CLYBL: variants seen among roughly 807,000 people sequenced by gnomAD.
The protein encoded by CLYBL is citramalyl-CoA lyase, mitochondrial.
A neutral mutation model predicts 38.9 loss-of-function variants in CLYBL; 31 were observed. That is an observed-to-expected ratio of 0.80 (90% CI 0.60 to 1.08). CLYBL has a LOEUF of 1.08. Ranked by LOEUF, CLYBL falls within the 50% of genes least tolerant of loss-of-function variation. The pLI is 0.00. For missense variants in CLYBL, 434 were observed against 411.6 expected (o/e 1.05, Z -0.47); for synonymous variants, 171 against 158.6 (o/e 1.08, Z -0.59).
chr13:99,726,750 T>C (rs2048480490), intron 1 of CLYBL: 1 of 152,038 alleles, frequency 6.6e-6, no homozygotes, highest in African/African-American at 2.4e-5. Context: ...CAGTAGTGTC[T>C]GTAGGGCCTC....
At position 99,683,662 on chromosome 13, in the gene CLYBL, T is replaced by G. The variant is rs191623341; in HGVS notation, c.62+76905T>G. ...TTAGGGGCAATAACACGCACAGAGC[T>G]GTTGTCTCCTGTGATAACAATGCCT... is the stretch of plus-strand genomic sequence containing the variant. On this transcript the variant is annotated intron_variant, in intron 1 of 8. Coordinates refer to ENST00000339105, the MANE Select transcript of CLYBL (RefSeq NM_206808.5). Among the ~76,000 whole-genome samples, 3 of 151,948 alleles carry G rather than the reference T, an allele frequency of 2.0e-5. No homozygotes were observed. The East Asian group carries it at 5.8e-4, about 29-fold the overall frequency.
chr13:99,609,600 A>C (rs1159616746), intron 1 of CLYBL, among the ~76,000 whole-genome samples: 1 of 151,124 alleles, frequency 6.6e-6, no homozygotes, highest in Admixed American at 6.6e-5. Flanking sequence ...GCAGTGGTGC[A>C]ATCTGGGCTC....
At chr13:99,744,038 T>C (rs1231114732) in intron 1 of CLYBL, among the ~76,000 whole-genome samples, 1 of 142,130 alleles carries the variant, frequency 7.0e-6, no homozygotes, top group African/African-American at 2.6e-5. Context: ...GGTGGCGCGA[T>C]ATCAGCTCAC....
At chr13:99,798,378 A>G (rs1427419589) in intron 2 of CLYBL, among the ~76,000 whole-genome samples, 5 of 152,204 alleles carry the variant, frequency 3.3e-5, no homozygotes, top group Non-Finnish European at 7.3e-5. Context: ...CTCACTCAGC[A>G]AAAAGTGCCT....
intron 2 of CLYBL, among the ~76,000 whole-genome samples, chr13:99,805,108 G>A (rs2138959160): frequency 1.3e-5 from 2 of 152,250 alleles, no homozygotes; most frequent in South Asian, 4.1e-4. Context: ...TCCTTTTTGA[G>A]GCTGGATAGT....
intron 1 of CLYBL, among the ~76,000 whole-genome samples, chr13:99,705,551 T>G (rs1454348348): frequency 1.3e-5 from 2 of 151,048 alleles, no homozygotes; most frequent in Non-Finnish European, 2.9e-5. Flanking sequence ...TTGTACTCCA[T>G]CCTGGAGAGC....
intron 2 of CLYBL, among the ~76,000 whole-genome samples, chr13:99,793,033 A>AAAAAACACACACACACAC (rs368975807): frequency 6.9e-6 from 1 of 145,954 alleles, no homozygotes; most frequent in Non-Finnish European, 1.5e-5. Context: ...GTGCATACAT[A>AAAAAACACACACACACAC]ACACACACAC....
chr13:99,624,587 C>A (rs1303827019), intron 1 of CLYBL, among the ~76,000 whole-genome samples: 1 of 152,208 alleles, frequency 6.6e-6, no homozygotes, highest in Non-Finnish European at 1.5e-5. Context: ...GGCGCATCTT[C>A]CGTACAACTG....
chr13:99,879,296 C>T (rs1277302878), intron 7 of CLYBL, among the ~76,000 whole-genome samples: 3 of 152,176 alleles, frequency 2.0e-5, no homozygotes, highest in Non-Finnish European at 4.4e-5. Context: ...TTGTAAAAAG[C>T]AGAATGTTAA....
rs190828251 is a variant in CLYBL, at chr13:99,866,419, G to A, written c.802+12G>A. ...CATGGGCTTCACTGGTATGATTCCT[G>A]TCTTAGAAAGCAGTGTCTAAATTAG... On this transcript the variant is annotated intron_variant, in intron 6 of 8. Coordinates refer to ENST00000339105, the MANE Select transcript of CLYBL (RefSeq NM_206808.5). 6.9e-6 allele frequency: 11 copies of A among 1,603,412 alleles called. No homozygotes were observed. The highest frequency in any genetic ancestry group is 3.6e-5 in the Admixed American group (2 of 56,158).
At chr13:99,654,900 G>A (rs1007668127) in intron 1 of CLYBL, among the ~76,000 whole-genome samples, 1 of 151,814 alleles carries the variant, frequency 6.6e-6, no homozygotes, top group Non-Finnish European at 1.5e-5. Context: ...AGCTACTAGG[G>A]AGGCTGAGGC....
At chr13:99,616,548 G>T (rs936129717) in intron 1 of CLYBL, among the ~76,000 whole-genome samples, 1 of 152,166 alleles carries the variant, frequency 6.6e-6, no homozygotes, top group Non-Finnish European at 1.5e-5. Flanking sequence ...GTCACACTGG[G>T]CCCGCCCATG....
intron 2 of CLYBL, among the ~76,000 whole-genome samples, chr13:99,815,447 A>G (rs147571706): frequency 0.016 from 2,434 of 152,288 alleles, 38 homozygotes; most frequent in Middle Eastern, 0.048. Flanking sequence ...ATAGCTGGGT[A>G]TGGTGGCATG....
At chr13:99,750,764 A>G (rs1030534789) in intron 1 of CLYBL, among the ~76,000 whole-genome samples, 13 of 152,072 alleles carry the variant, frequency 8.5e-5, no homozygotes, top group Middle Eastern at 3.4e-3. Context: ...TTAAGAACAT[A>G]TAAGAACTTA....
At chr13:99,833,618 T>C (rs1321163407) in intron 2 of CLYBL, among the ~76,000 whole-genome samples, 2 of 149,552 alleles carry the variant, frequency 1.3e-5, no homozygotes, top group African/African-American at 2.5e-5. Context: ...CCTGAGTGCC[T>C]AGGTATTTGG....
intron 1 of CLYBL, among the ~76,000 whole-genome samples, chr13:99,679,734 G>GT (rs1178114776): frequency 6.6e-6 from 1 of 151,626 alleles, no homozygotes; most frequent in Non-Finnish European, 1.5e-5. Flanking sequence ...GAAGGAGAGG[G>GT]TGGGGGGGGA....
At chr13:99,713,405 T>C (rs1296933892) in intron 1 of CLYBL, among the ~76,000 whole-genome samples, 1 of 149,706 alleles carries the variant, frequency 6.7e-6, no homozygotes, top group Non-Finnish European at 1.5e-5. Flanking sequence ...AGTGGTGTGA[T>C]CTTGGCTCAC....
chr13:99,823,226 C>T (rs1193115188), intron 2 of CLYBL, among the ~76,000 whole-genome samples: 1 of 152,032 alleles, frequency 6.6e-6, no homozygotes, highest in Non-Finnish European at 1.5e-5. Context: ...TCTTTTCTTT[C>T]TTAATTTCTT....
chr13:99,852,791 A>G (rs1197515675), intron 2 of CLYBL, among the ~76,000 whole-genome samples: 2 of 152,242 alleles, frequency 1.3e-5, no homozygotes, highest in East Asian at 3.8e-4. Context: ...TGTACAGTAG[A>G]AACCAATATA....
Sources: allele counts gnomAD v4.1 joint callset (sites outside exome capture counted in the v4.1 genomes callset), GRCh38; gene constraint gnomAD v4.1.1; transcripts MANE v1.5; gene names NCBI Gene and HGNC (gene_info 2026-07-23, HGNC 2026-07-21).